The following GTF2A1 variants were observed in gnomAD, a reference collection of about 807,000 sequenced individuals.
GTF2A1 encodes the protein general transcription factor IIA subunit 1.
Under a neutral mutation model 54.1 loss-of-function variants are expected in GTF2A1, and 12 were observed. The ratio of observed to expected loss-of-function variants is 0.22; its 90% CI spans 0.14 to 0.36. The LOEUF (loss-of-function observed/expected upper bound fraction) is 0.36. Ranked by LOEUF, GTF2A1 falls within the 10% of genes least tolerant of loss-of-function variation. GTF2A1 has a pLI of 1.00. For synonymous variants in GTF2A1, 145 were observed against 152.0 expected, an observed-to-expected ratio of 0.95 and a Z score of 0.34; for missense variants, 335 against 442.2, an observed-to-expected ratio of 0.76 and a Z score of 2.17.
At chr14:81,219,074 TAAGA>T (rs1893548312) in intron 1 of GTF2A1, among the ~76,000 whole-genome samples, 1 of 152,010 alleles carries the variant, frequency 6.6e-6, no homozygotes. Flanking sequence ...ATAATGCACA[TAAGA>T]AAAATGGCTA....
intron 2 of GTF2A1, among the ~76,000 whole-genome samples, chr14:81,214,599 T>TA (rs985057492): frequency 6.7e-6 from 1 of 148,670 alleles, no homozygotes; most frequent in African/African-American, 2.5e-5. Flanking sequence ...TGAGCCAAGA[T>TA]AGCACCACTG....
rs1893614475 is a variant in GTF2A1 at position 81,220,634 on chromosome 14, G to A, written c.-116C>T. ...TGACCCAAATCACCGCAAGATTGGG[G>A]AAAAAATTTTAAACAAAATCAATCC... On this transcript the variant is annotated 5_prime_UTR_variant, in exon 1 of 9. Transcript: ENST00000553612. 8 of 715,714 alleles carry A rather than the reference G, an allele frequency of 1.1e-5. 1 individual carries two copies. The South Asian group carries it at 1.2e-4, about 11-fold the overall frequency. The allele number at this position is 715,714 out of a possible 1,614,324, so 44.3% of individuals were successfully genotyped here.
chr14:81,181,407 A>AG (rs1892635762), intron 8 of GTF2A1, among the ~76,000 whole-genome samples: 1 of 152,168 alleles, frequency 6.6e-6, no homozygotes, highest in Non-Finnish European at 1.5e-5. Flanking sequence ...CAGATTGGAT[A>AG]GGGTTCAATG....
chr14:81,213,447 A>G (rs1893418166), intron 2 of GTF2A1, among the ~76,000 whole-genome samples: 1 of 152,206 alleles, frequency 6.6e-6, no homozygotes, highest in Non-Finnish European at 1.5e-5. Flanking sequence ...ACTGACCACT[A>G]GTTTGACCTA....
intron 3 of GTF2A1, among the ~76,000 whole-genome samples, chr14:81,202,262 T>C (rs545807231): frequency 6.6e-6 from 1 of 152,340 alleles, no homozygotes; most frequent in East Asian, 1.9e-4. Flanking sequence ...CATAATTTTG[T>C]CTTAACTCAA....
At chr14:81,180,651 C>CA (rs1411448077) in intron 8 of GTF2A1, among the ~76,000 whole-genome samples, 13 of 151,930 alleles carry the variant, frequency 8.6e-5, no homozygotes, top group African/African-American at 2.9e-4. Flanking sequence ...ACAACAACAA[C>CA]AAAAAAACCA....
rs551823730 is a variant in GTF2A1, at chr14:81,214,880, C to T, written c.132+1533G>A. ...ACTTAAAGGAAAATAGCTAGATTCT[C>T]GTATCTGACCCTGTTTTTGCTTTGT... On this transcript the variant is annotated intron_variant, in intron 2 of 8. Coordinates refer to ENST00000553612, the MANE Select transcript of GTF2A1 (RefSeq NM_015859.4). Among the ~76,000 whole-genome samples, 91 of 152,220 alleles carry T rather than the reference C, an allele frequency of 6.0e-4. 1 individual carries two copies. Among genetic ancestry groups the T allele is most frequent in the Middle Eastern group, 3.4e-3 (1 of 294 alleles).
chr14:81,185,945 C>T (rs1480475653), intron 7 of GTF2A1, among the ~76,000 whole-genome samples: 2 of 152,198 alleles, frequency 1.3e-5, no homozygotes, highest in African/African-American at 2.4e-5. Context: ...CTCTGCCTCC[C>T]GGCTTCGAGC....
intron 7 of GTF2A1, among the ~76,000 whole-genome samples, chr14:81,187,294 G>A (rs559954476): frequency 2.0e-5 from 3 of 151,338 alleles, no homozygotes; most frequent in South Asian, 4.2e-4. Flanking sequence ...GGCGGAGCCT[G>A]CAGTAAGCCA....
In GTF2A1 at chr14:81,220,521, C is replaced by A; in HGVS notation, c.-3G>T. The A allele has an allele frequency of 6.4e-7, 1 of 1,573,432 alleles. No homozygotes were observed. The highest frequency in any genetic ancestry group is 8.6e-7 in the Non-Finnish European group (1 of 1,158,812). ...TTTGTATTTGCCGAGTTCGCCATTTCCACACACAACACAAACAAGAGGGGG... is the reference window on the plus strand; with the variant it reads ...TTTGTATTTGCCGAGTTCGCCATTTACACACACAACACAAACAAGAGGGGG... On this transcript the variant is annotated 5_prime_UTR_variant, in exon 1 of 9. Coordinates refer to ENST00000553612, the MANE Select transcript of GTF2A1 (RefSeq NM_015859.4).
At chr14:81,216,285 G>T in intron 2 of GTF2A1, 128 bp downstream of exon 2, 1 of 578,450 alleles carries the variant, frequency 1.7e-6, no homozygotes, top group Non-Finnish European at 3.1e-6. Context: ...GCAGAGTTGG[G>T]ATTTAAAACC....
chr14:81,180,209 A>G lies in GTF2A1; in HGVS notation c.*14T>C, dbSNP rs372944195. On this transcript the variant is annotated 3_prime_UTR_variant, in exon 9 of 9. Transcript: ENST00000553612. Reference sequence around the variant, plus strand: ...TTAAGTTTCTTTTATTTATAAAAGAAAAAAAGCAACTCTTCACCATTCTGC... The same window carrying G: ...TTAAGTTTCTTTTATTTATAAAAGAGAAAAAGCAACTCTTCACCATTCTGC... The G allele has an allele frequency of 2.8e-5, 28 of 997,730 alleles. No homozygotes were observed. In the Admixed American group the frequency reaches 2.9e-4, roughly 10 times the overall value. The allele number at this position is 997,730 out of a possible 1,614,324, so 61.8% of individuals were successfully genotyped here.
Position 81,185,625 on chromosome 14 carries a change from A to C in GTF2A1, c.934-5T>G. On this transcript the variant is annotated splice_polypyrimidine_tract_variant and splice_region_variant and intron_variant, in intron 7 of 8. Coordinates refer to ENST00000553612, the MANE Select transcript of GTF2A1 (RefSeq NM_015859.4). ...ATCTTCACTATTGAGGGGCTCCTAC[A>C]AATAAAAGGAGAGTTCTTATTACTA... is the stretch of plus-strand genomic sequence containing the variant. 6.7e-7 allele frequency: 1 copy of C among 1,500,170 alleles called. No homozygotes were observed. The highest frequency in any genetic ancestry group is 1.4e-5 in the African/African-American group (1 of 72,894). The allele number at this position is 1,500,170 out of a possible 1,614,324, so 92.9% of individuals were successfully genotyped here.
chr14:81,202,190 T>A (rs543504714), intron 3 of GTF2A1, among the ~76,000 whole-genome samples: 1 of 152,226 alleles, frequency 6.6e-6, no homozygotes, highest in East Asian at 1.9e-4. Context: ...AAGTAGTGAG[T>A]TACCTTAACA....
intron 5 of GTF2A1, 60 bp downstream of exon 5, chr14:81,197,349 G>A: frequency 4.7e-6 from 4 of 854,682 alleles, no homozygotes; most frequent in Non-Finnish European, 7.7e-6. Flanking sequence ...CAAAACCTAA[G>A]GGCTAGATAG....
rs1015243738 is a variant in GTF2A1 at position 81,220,918 on chromosome 14, C to G, written c.-400G>C. On this transcript the variant is annotated 5_prime_UTR_variant, in exon 1 of 9. Coordinates refer to ENST00000553612, the MANE Select transcript of GTF2A1 (RefSeq NM_015859.4). Reference sequence around the variant, plus strand: ...CTCCTTTATATAGCGAGCCAACAAGCTGCGCGAGCCACCACCGCCGCCGCC... The same window carrying G: ...CTCCTTTATATAGCGAGCCAACAAGGTGCGCGAGCCACCACCGCCGCCGCC... The G allele has an allele frequency of 2.8e-4, 51 of 184,342 alleles. No homozygotes were observed. The highest frequency in any genetic ancestry group is 5.7e-4 in the South Asian group (4 of 7,018). 11.4% of individuals were successfully genotyped at this position (184,342 alleles called of 1,614,324 possible).
At position 81,178,410 on chromosome 14, in the gene GTF2A1, G is replaced by A. The variant is rs948189727; in HGVS notation, c.*1813C>T. 1.3e-5 allele frequency: 2 copies of A among 151,988 alleles called. No homozygotes were observed. Among genetic ancestry groups the A allele is most frequent in the African/African-American group, 4.8e-5 (2 of 41,388 alleles). 9.4% of individuals were successfully genotyped at this position (151,988 alleles called of 1,614,324 possible). A position where few individuals can be genotyped will look rare whatever the true frequency, so the allele number is the denominator to read the frequency against. On this transcript the variant is annotated 3_prime_UTR_variant, in exon 9 of 9. Transcript: ENST00000553612. ...ATATTTTAAAACCTCTGTGTGCTTT[G>A]AGAGTCACAGAATAAACAAACTTCC...
chr14:81,216,940 A>G (rs1893501269), intron 1 of GTF2A1, among the ~76,000 whole-genome samples: 1 of 152,196 alleles, frequency 6.6e-6, no homozygotes, highest in Admixed American at 6.5e-5. Context: ...CTGCCTGGTA[A>G]TAATCTGCAA....
At chr14:81,181,922 C>A (rs79018105) in intron 8 of GTF2A1, among the ~76,000 whole-genome samples, 110 of 152,298 alleles carry the variant, frequency 7.2e-4, no homozygotes, top group Non-Finnish European at 1.3e-3. Context: ...ATGACATATT[C>A]CTGGCAAATG....
Sources: gnomAD v4.1 joint callset for allele counts (sites outside exome capture counted in the v4.1 genomes callset) on GRCh38, gnomAD v4.1.1 for gene constraint, MANE v1.5 for transcripts, NCBI Gene and HGNC (gene_info 2026-07-23, HGNC 2026-07-21) for gene names.